The following MGAT4C variants were observed in gnomAD, a reference collection of about 807,000 sequenced individuals.
MGAT4C encodes the protein MGAT4 family member C, also known as alpha-1,3-mannosyl-glycoprotein 4-beta-N-acetylglucosaminyltransferase C.
A neutral mutation model predicts 40.1 loss-of-function variants in MGAT4C; 19 were observed. The ratio of observed to expected loss-of-function variants is 0.47; its 90% CI spans 0.33 to 0.70. MGAT4C has a LOEUF of 0.70. Ranked by LOEUF, MGAT4C falls within the 30% of genes least tolerant of loss-of-function variation. The pLI is 0.02. For missense variants in MGAT4C, 491 were observed against 563.2 expected, an observed-to-expected ratio of 0.87 and a Z score of 1.30; for synonymous variants, 181 against 187.1, an observed-to-expected ratio of 0.97 and a Z score of 0.27.
At chr12:85,984,677 G>T (rs894094205) in intron 3 of MGAT4C, among the ~76,000 whole-genome samples, 4 of 151,740 alleles carry the variant, frequency 2.6e-5, no homozygotes, top group African/African-American at 9.7e-5. Flanking sequence ...TACTAGAATT[G>T]GTAGAATACA....
At chr12:86,317,015 A>T (rs1255185987) in intron 4 of MGAT4C, among the ~76,000 whole-genome samples, 1 of 152,038 alleles carries the variant, frequency 6.6e-6, no homozygotes, top group East Asian at 1.9e-4. Context: ...AGGACAGAAA[A>T]AAGAAGGGAC....
chr12:85,989,532 A>G lies in MGAT4C; in HGVS notation c.15T>C (p.His5=). 6.2e-7 allele frequency: 1 copy of G among 1,604,594 alleles called. No individual in the cohort carries two copies. The highest frequency in any genetic ancestry group is 1.3e-5 in the African/African-American group (1 of 74,776). The change falls in exon 3 of 5, where the codon CAT becomes CAC. Residue 5 remains histidine, a synonymous_variant. Transcript: ENST00000611864. ...GTATTTCAAAAATATGTTTCATTTGATGAAATTTAAACATTCTCTTCTGTG... is the reference window on the plus strand; with the variant it reads ...GTATTTCAAAAATATGTTTCATTTGGTGAAATTTAAACATTCTCTTCTGTG... MFKF[H]QMKHIFEILD...
chr12:86,537,595 C>A (rs1959097311), intron 2 of MGAT4C, among the ~76,000 whole-genome samples: 2 of 152,130 alleles, frequency 1.3e-5, no homozygotes, highest in Admixed American at 6.6e-5. Flanking sequence ...GGAGTCATTT[C>A]TCACTTGATT....
At chr12:86,408,285 C>T (rs905177151) in intron 3 of MGAT4C, among the ~76,000 whole-genome samples, 1 of 151,740 alleles carries the variant, frequency 6.6e-6, no homozygotes. Flanking sequence ...ACTCACAGTA[C>T]ATTTAAGGAT....
rs954705916 is a variant in MGAT4C at position 85,974,110 on chromosome 12, T to C, written c.*5179A>G. The C allele has an allele frequency of 1.3e-5, 2 of 150,872 alleles. No individual in the cohort carries two copies. The highest frequency in any genetic ancestry group is 3.0e-5 in the Non-Finnish European group (2 of 67,096). The allele number at this position is 150,872 out of a possible 1,614,324, so 9.3% of individuals were successfully genotyped here. ...ATCTTTTAATGTTAAAGAATTCAAA[T>C]AAAAACCATAAACCTGAAACTCTAA... On this transcript the variant is annotated 3_prime_UTR_variant, in exon 5 of 5. Coordinates refer to ENST00000611864, the MANE Select transcript of MGAT4C (RefSeq NM_001351288.2).
At chr12:86,190,606 G>C (rs1037903935) in intron 1 of MGAT4C, among the ~76,000 whole-genome samples, 1 of 151,966 alleles carries the variant, frequency 6.6e-6, no homozygotes, top group Non-Finnish European at 1.5e-5. Flanking sequence ...ATTTGCAATA[G>C]CACATGTGAC....
chr12:86,554,360 T>G (rs1959508979), intron 2 of MGAT4C, among the ~76,000 whole-genome samples: 1 of 152,194 alleles, frequency 6.6e-6, no homozygotes, highest in South Asian at 2.1e-4. Flanking sequence ...ATAAACCATC[T>G]TCAAACCCTG....
At chr12:86,053,455 T>C (rs544065626) in intron 1 of MGAT4C, among the ~76,000 whole-genome samples, 1 of 151,820 alleles carries the variant, frequency 6.6e-6, no homozygotes, top group African/African-American at 2.4e-5. Flanking sequence ...ACAGAGAAAG[T>C]GTTCTAAGAC....
chr12:86,041,429 T>A (rs1891830762), intron 2 of MGAT4C, among the ~76,000 whole-genome samples: 1 of 152,140 alleles, frequency 6.6e-6, no homozygotes, highest in Non-Finnish European at 1.5e-5. Flanking sequence ...TAATTTTAAA[T>A]CTTTCTAACT....
chr12:86,621,714 G>C (rs760445301), intron 2 of MGAT4C, among the ~76,000 whole-genome samples: 1 of 152,170 alleles, frequency 6.6e-6, no homozygotes, highest in African/African-American at 2.4e-5. Context: ...CTGGGCTCAA[G>C]TGATCCTCCT....
intron 1 of MGAT4C, among the ~76,000 whole-genome samples, chr12:86,829,457 A>G (rs1473827574): frequency 2.0e-5 from 3 of 151,606 alleles, no homozygotes; most frequent in Non-Finnish European, 3.0e-5. Flanking sequence ...TCTAAAGCTA[A>G]ATATAATGCA....
At chr12:86,394,961 T>G (rs1237951517) in intron 3 of MGAT4C, among the ~76,000 whole-genome samples, 1 of 152,044 alleles carries the variant, frequency 6.6e-6, no homozygotes, top group African/African-American at 2.4e-5. Context: ...TGTATCACTA[T>G]TTAAATAATA....
intron 2 of MGAT4C, among the ~76,000 whole-genome samples, chr12:86,028,855 G>T (rs191813753): frequency 2.6e-5 from 4 of 151,926 alleles, no homozygotes; most frequent in Admixed American, 1.3e-4. Flanking sequence ...ACTAAGAAAT[G>T]ATATAAGATA....
intron 1 of MGAT4C, among the ~76,000 whole-genome samples, chr12:86,100,053 A>G (rs1337999617): frequency 6.7e-6 from 1 of 148,976 alleles, no homozygotes; most frequent in Non-Finnish European, 1.5e-5. Context: ...CTTTTATTCT[A>G]TTAAATTCGA....
intron 3 of MGAT4C, among the ~76,000 whole-genome samples, chr12:86,415,118 G>T (rs1956681872): frequency 6.6e-6 from 1 of 151,930 alleles, no homozygotes; most frequent in Non-Finnish European, 1.5e-5. Flanking sequence ...TGAATGAGAG[G>T]CAAGGTGACA....
intron 1 of MGAT4C, among the ~76,000 whole-genome samples, chr12:86,204,416 A>C (rs1950176717): frequency 1.3e-5 from 2 of 152,190 alleles, no homozygotes; most frequent in Admixed American, 1.3e-4. Flanking sequence ...GCTGCAAAGA[A>C]GCTTATAGAG....
intron 3 of MGAT4C, among the ~76,000 whole-genome samples, chr12:86,372,756 C>T (rs1955741919): frequency 6.6e-6 from 1 of 151,810 alleles, no homozygotes; most frequent in South Asian, 2.1e-4. Context: ...CAATAGCTTG[C>T]ATCAGCTACA....
intron 1 of MGAT4C, among the ~76,000 whole-genome samples, chr12:86,173,836 C>A (rs1481213546): frequency 6.6e-6 from 1 of 151,990 alleles, no homozygotes; most frequent in East Asian, 1.9e-4. Flanking sequence ...CTTTACATTT[C>A]ATTTTTGAGA....
At position 85,977,297 on chromosome 12, in the gene MGAT4C, T is replaced by C. The variant is rs1046425814; in HGVS notation, c.*1992A>G. 6.6e-6 allele frequency: 1 copy of C among 151,434 alleles called. No homozygotes were observed. The highest frequency in any genetic ancestry group is 2.4e-5 in the African/African-American group (1 of 41,374). The allele number at this position is 151,434 out of a possible 1,614,324, so 9.4% of individuals were successfully genotyped here. A position where few individuals can be genotyped will look rare whatever the true frequency, so the allele number is the denominator to read the frequency against. ...GCATACAATTGTGTACCTTTTATCA[T>C]TGACAGTGAAGAAAATAATGCCATT... On this transcript the variant is annotated 3_prime_UTR_variant, in exon 5 of 5. Coordinates refer to ENST00000611864, the MANE Select transcript of MGAT4C (RefSeq NM_001351288.2).
Sources: gnomAD v4.1 joint callset for allele counts (sites outside exome capture counted in the v4.1 genomes callset) on GRCh38, gnomAD v4.1.1 for gene constraint, MANE v1.5 for transcripts, NCBI Gene and HGNC (gene_info 2026-07-23, HGNC 2026-07-21) for gene names.